The following KIAA1549L variants were observed in gnomAD, a reference collection of about 807,000 sequenced individuals.
KIAA1549L encodes KIAA1549 like.
A neutral mutation model predicts 160.7 loss-of-function variants in KIAA1549L; 88 were observed. The ratio of observed to expected loss-of-function variants is 0.55; its 90% CI spans 0.46 to 0.65. KIAA1549L has a LOEUF of 0.65. KIAA1549L is among the 30% of genes least tolerant of loss of function. KIAA1549L has a pLI of 0.00. For synonymous variants in KIAA1549L, 950 were observed against 976.7 expected (o/e 0.97, Z 0.51); for missense variants, 2,258 against 2,437.5 (o/e 0.93, Z 1.55).
At chr11:33,648,160 T>A (rs569733344) in intron 17 of KIAA1549L, among the ~76,000 whole-genome samples, 41 of 151,412 alleles carry the variant, frequency 2.7e-4, no homozygotes, top group South Asian at 6.3e-4. Flanking sequence ...ACACCCAGCT[T>A]TTTTTTTGTA....
chr11:33,382,703 T>A (rs1850095751), intron 1 of KIAA1549L, among the ~76,000 whole-genome samples: 1 of 152,170 alleles, frequency 6.6e-6, no homozygotes, highest in South Asian at 2.1e-4. Flanking sequence ...CTTCAAAGAT[T>A]CTTACAAGAT....
intron 1 of KIAA1549L, among the ~76,000 whole-genome samples, chr11:33,478,805 C>T (rs905473969): frequency 5.9e-5 from 9 of 152,110 alleles, no homozygotes; most frequent in African/African-American, 1.4e-4. Context: ...GGCACGATCT[C>T]GGCTCACTGC....
intron 12 of KIAA1549L, among the ~76,000 whole-genome samples, chr11:33,592,004 A>C (rs951756634): frequency 1.3e-5 from 2 of 152,242 alleles, no homozygotes; most frequent in African/African-American, 2.4e-5. Flanking sequence ...AATTCTGAAC[A>C]GGGAAAACCT....
rs368154577 is a variant in KIAA1549L at position 33,656,029 on chromosome 11, G to C, written c.5778G>C (p.Gln1926His). ...TTTCACAGGCTTACAGGTTTTCCCAGCTTCCTGAGATGGTCATGGGCTCAC... is the reference window on the plus strand; with the variant it reads ...TTTCACAGGCTTACAGGTTTTCCCACCTTCCTGAGATGGTCATGGGCTCAC... Reference protein sequence around the residue: ...SLPRPAYRFSQLPEMVMGSPP... With the variant: ...SLPRPAYRFSHLPEMVMGSPP... The change falls in exon 18 of 21, where the codon CAG becomes CAC. Residue 1926 changes from glutamine (Q) to histidine (H), a missense_variant. Gln to His is a conservative substitution (Grantham distance 24). Around this residue, in one of 6 missense-constraint regions of KIAA1549L, gnomAD observed 1,359 missense variants for 1,546.6 expected, o/e 0.88. Transcript: ENST00000658780. 1.5e-5 allele frequency: 25 copies of C among 1,613,828 alleles called. No individual in the cohort carries two copies. The African/African-American group carries it at 3.2e-4, about 21-fold the overall frequency.
intron 1 of KIAA1549L, among the ~76,000 whole-genome samples, chr11:33,379,490 C>G (rs1208304517): frequency 1.3e-5 from 2 of 152,182 alleles, no homozygotes; most frequent in South Asian, 2.1e-4. Flanking sequence ...CTTTGTAGTA[C>G]TGAGTACTGA....
At chr11:33,553,670 T>A (rs1319964839) in intron 6 of KIAA1549L, among the ~76,000 whole-genome samples, 5 of 152,194 alleles carry the variant, frequency 3.3e-5, no homozygotes. Flanking sequence ...AGCTCTCTTG[T>A]GGGAACTCTT....
intron 1 of KIAA1549L, chr11:33,403,464 G>C (rs370473410): frequency 7.9e-6 from 1 of 127,108 alleles, no homozygotes; most frequent in African/African-American, 3.0e-5. Flanking sequence ...CAGGGACACA[G>C]ACGCAGAAAC....
At chr11:33,398,684 A>T (rs1020571546) in intron 1 of KIAA1549L, among the ~76,000 whole-genome samples, 1 of 152,246 alleles carries the variant, frequency 6.6e-6, no homozygotes, top group Non-Finnish European at 1.5e-5. Flanking sequence ...AAAATCGCCC[A>T]TAGCCCCAAG....
chr11:33,515,253 C>T (rs2133113552), intron 1 of KIAA1549L, among the ~76,000 whole-genome samples: 1 of 152,340 alleles, frequency 6.6e-6, no homozygotes, highest in South Asian at 2.1e-4. Flanking sequence ...TGGTCTCTTC[C>T]CCCTACAGCT....
intron 1 of KIAA1549L, among the ~76,000 whole-genome samples, chr11:33,536,905 TG>T (rs1853907029): frequency 6.6e-6 from 1 of 152,214 alleles, no homozygotes; most frequent in Admixed American, 6.5e-5. Flanking sequence ...CTGTTCTTCA[TG>T]CCAGGATGGT....
At chr11:33,571,799 C>T (rs932096743) in intron 9 of KIAA1549L, among the ~76,000 whole-genome samples, 1 of 152,116 alleles carries the variant, frequency 6.6e-6, no homozygotes, top group African/African-American at 2.4e-5. Flanking sequence ...CATACTATAT[C>T]ATGATCTTAT....
chr11:33,456,334 T>G (rs1361703802), intron 1 of KIAA1549L, among the ~76,000 whole-genome samples: 1 of 152,034 alleles, frequency 6.6e-6, no homozygotes, highest in Non-Finnish European at 1.5e-5. Flanking sequence ...TACCTGTGAG[T>G]TAATGGAAGT....
intron 1 of KIAA1549L, among the ~76,000 whole-genome samples, chr11:33,483,904 G>T (rs555060750): frequency 2.6e-5 from 4 of 152,262 alleles, no homozygotes; most frequent in African/African-American, 9.6e-5. Context: ...TCAGCAACGT[G>T]AAAATAAACT....
chr11:33,544,425 G>A (rs1307380856), intron 2 of KIAA1549L, 89 bp downstream of exon 2: 20 of 1,357,216 alleles, frequency 1.5e-5, no homozygotes, highest in South Asian at 2.6e-5. Flanking sequence ...CAAGCTCAAC[G>A]CAGATACCAG....
At chr11:33,382,476 G>A (rs918932536) in intron 1 of KIAA1549L, among the ~76,000 whole-genome samples, 2 of 152,110 alleles carry the variant, frequency 1.3e-5, no homozygotes, top group Non-Finnish European at 2.9e-5. Context: ...CAACACATAA[G>A]ACAATTCTTA....
At chr11:33,428,313 A>T (rs1283706086) in intron 1 of KIAA1549L, among the ~76,000 whole-genome samples, 5 of 151,910 alleles carry the variant, frequency 3.3e-5, no homozygotes, top group East Asian at 1.9e-4. Flanking sequence ...CTGTTTTTTT[A>T]AAAATTATAC....
At chr11:33,638,550 T>A (rs1298036656) in intron 16 of KIAA1549L, among the ~76,000 whole-genome samples, 1 of 152,086 alleles carries the variant, frequency 6.6e-6, no homozygotes, top group Admixed American at 6.6e-5. Flanking sequence ...ATTATCCTAT[T>A]GTTGGACATT....
intron 1 of KIAA1549L, among the ~76,000 whole-genome samples, chr11:33,420,191 T>A (rs147207711): frequency 6.6e-6 from 1 of 151,244 alleles, no homozygotes; most frequent in Non-Finnish European, 1.5e-5. Context: ...CACATCGAAC[T>A]GAAATGTTAA....
intron 1 of KIAA1549L, among the ~76,000 whole-genome samples, chr11:33,472,721 G>A (rs1852205987): frequency 6.6e-6 from 1 of 152,104 alleles, no homozygotes; most frequent in Non-Finnish European, 1.5e-5. Context: ...ATTTCTTTCA[G>A]GTCTCATTTT....
Sources: gnomAD v4.1 joint callset for allele counts (sites outside exome capture counted in the v4.1 genomes callset) on GRCh38, gnomAD v4.1.1 for gene constraint, gnomAD v4.1.1 regional missense constraint, MANE v1.5 for transcripts, NCBI Gene and HGNC (gene_info 2026-07-23, HGNC 2026-07-21) for gene names.